Variants in AGFG1 observed in about 807,000 individuals in gnomAD.
AGFG1 encodes arf-GAP domain and FG repeat-containing protein 1.
In AGFG1, 10 loss-of-function variants were observed where a neutral mutation model predicts 60.6. The ratio of observed to expected loss-of-function variants is 0.16; its 90% CI spans 0.10 to 0.28. The LOEUF is 0.28. Among genes scored for constraint, AGFG1 ranks in the 10% least tolerant of loss-of-function variants. The pLI is 1.00. For missense variants in AGFG1, 537 were observed against 676.5 expected, an observed-to-expected ratio of 0.79 and a Z score of 2.29; for synonymous variants, 247 against 242.9, an observed-to-expected ratio of 1.02 and a Z score of -0.16.
rs558025303 is a variant in AGFG1, at chr2:227,557,057, A to G, written c.*2562A>G. On this transcript the variant is annotated 3_prime_UTR_variant, in exon 13 of 13. Transcript: ENST00000310078. ...ATTTAGATTTATTCTAGTTTTATATAGACCATCAAAATTATGTTGAGTACT... is the reference window on the plus strand; with the variant it reads ...ATTTAGATTTATTCTAGTTTTATATGGACCATCAAAATTATGTTGAGTACT... The G allele has an allele frequency of 1.3e-5, 2 of 152,208 alleles. No homozygotes were observed. Among genetic ancestry groups the G allele is most frequent in the Non-Finnish European group, 2.9e-5 (2 of 68,034 alleles). The allele number at this position is 152,208 out of a possible 1,614,324, so 9.4% of individuals were successfully genotyped here. A position where few individuals can be genotyped will look rare whatever the true frequency, so the allele number is the denominator to read the frequency against.
intron 2 of AGFG1, among the ~76,000 whole-genome samples, chr2:227,499,955 T>C (rs778518071): frequency 6.6e-5 from 10 of 152,230 alleles, no homozygotes; most frequent in Non-Finnish European, 1.5e-4. Flanking sequence ...TTTTCATTGC[T>C]CTGGCATCAG....
chr2:227,499,608 C>G (rs1691087703), intron 2 of AGFG1, among the ~76,000 whole-genome samples: 1 of 151,062 alleles, frequency 6.6e-6, no homozygotes, highest in Non-Finnish European at 1.5e-5. Flanking sequence ...CCACTGTACT[C>G]CAGCCTGGGT....
At chr2:227,481,906 C>G (rs1318396273) in intron 1 of AGFG1, among the ~76,000 whole-genome samples, 1 of 142,224 alleles carries the variant, frequency 7.0e-6, no homozygotes, top group African/African-American at 2.6e-5. Flanking sequence ...CTCGCTGTTG[C>G]CCAGGTTGGA....
intron 6 of AGFG1, chr2:227,532,271 G>T: frequency 7.9e-7 from 1 of 1,258,178 alleles, no homozygotes. Context: ...ATACTTCAAG[G>T]GTTTTTCCAG....
At chr2:227,520,531 T>G (rs888154361) in intron 3 of AGFG1, among the ~76,000 whole-genome samples, 1 of 152,240 alleles carries the variant, frequency 6.6e-6, no homozygotes, top group Non-Finnish European at 1.5e-5. Flanking sequence ...ATATTTTTTC[T>G]TTTGACCTAA....
In AGFG1 at chr2:227,559,755, A is replaced by G. The variant is rs1004044902; in HGVS notation, c.*5260A>G. On this transcript the variant is annotated 3_prime_UTR_variant, in exon 13 of 13. Coordinates refer to ENST00000310078, the MANE Select transcript of AGFG1 (RefSeq NM_004504.5). The stretch of plus-strand genomic sequence containing the variant: ...TTCCCTCATTCTTGAGTGGAGAGAC[A>G]GAGGAAGCAAACGCCAAGGAGCCTT... 30 of 152,190 alleles carry G rather than the reference A, an allele frequency of 2.0e-4. No individual in the cohort carries two copies. The highest frequency in any genetic ancestry group is 7.0e-4 in the African/African-American group (29 of 41,468). The allele number at this position is 152,190 out of a possible 1,614,324, so 9.4% of individuals were successfully genotyped here.
At chr2:227,498,142 AT>A in intron 2 of AGFG1, among the ~76,000 whole-genome samples, 1 of 152,268 alleles carries the variant, frequency 6.6e-6, no homozygotes, top group African/African-American at 2.4e-5. Flanking sequence ...ATTTTTTAAA[AT>A]TAAAAAAAAA....
chr2:227,549,036 A>C (rs1288287537), intron 10 of AGFG1, among the ~76,000 whole-genome samples: 2 of 151,496 alleles, frequency 1.3e-5, no homozygotes, highest in Non-Finnish European at 1.5e-5. Flanking sequence ...TTTGGAACAC[A>C]GTGACACTTT....
intron 10 of AGFG1, among the ~76,000 whole-genome samples, chr2:227,550,988 T>C (rs748622336): frequency 5.3e-5 from 8 of 152,218 alleles, no homozygotes; most frequent in Non-Finnish European, 1.0e-4. Flanking sequence ...GGAGGTTTTG[T>C]TTTTAATATT....
At chr2:227,527,012 C>A (rs1692014003) in intron 5 of AGFG1, among the ~76,000 whole-genome samples, 2 of 152,106 alleles carry the variant, frequency 1.3e-5, no homozygotes, top group African/African-American at 4.8e-5. Flanking sequence ...TGCAGAGGTA[C>A]TTAGGTTAGG....
chr2:227,475,727 A>G (rs1690263466), intron 1 of AGFG1, among the ~76,000 whole-genome samples: 1 of 152,184 alleles, frequency 6.6e-6, no homozygotes, highest in Non-Finnish European at 1.5e-5. Context: ...TTGTAGCCTC[A>G]GTTTCTTTAT....
chr2:227,478,836 A>G (rs773775738), intron 1 of AGFG1, among the ~76,000 whole-genome samples: 1 of 152,142 alleles, frequency 6.6e-6, no homozygotes, highest in Non-Finnish European at 1.5e-5. Flanking sequence ...TTTTTCTCTC[A>G]GTCTTTTACA....
intron 2 of AGFG1, among the ~76,000 whole-genome samples, chr2:227,515,909 A>T (rs1691636160): frequency 6.6e-6 from 1 of 152,194 alleles, no homozygotes; most frequent in Non-Finnish European, 1.5e-5. Context: ...CCTTTCAGGG[A>T]CTAAACTGTG....
chr2:227,526,476 G>T (rs1575098554), intron 5 of AGFG1, among the ~76,000 whole-genome samples: 1 of 148,670 alleles, frequency 6.7e-6, no homozygotes, highest in African/African-American at 2.5e-5. Context: ...GACCTTAAGT[G>T]ATCTACCCAC....
intron 6 of AGFG1, among the ~76,000 whole-genome samples, chr2:227,533,141 T>C (rs1049834921): frequency 2.0e-5 from 3 of 152,218 alleles, no homozygotes; most frequent in African/African-American, 4.8e-5. Flanking sequence ...TTAAACTGTT[T>C]CGTCATGGAG....
At chr2:227,536,196 G>A (rs1186011413) in intron 8 of AGFG1, among the ~76,000 whole-genome samples, 1 of 87,122 alleles carries the variant, frequency 1.1e-5, no homozygotes, top group Non-Finnish European at 2.1e-5. Flanking sequence ...AGGCCCCCAA[G>A]TGTGATGTTT....
intron 10 of AGFG1, among the ~76,000 whole-genome samples, chr2:227,544,930 T>C (rs889224213): frequency 6.6e-6 from 1 of 152,146 alleles, no homozygotes; most frequent in Admixed American, 6.5e-5. Flanking sequence ...CTGACAATTA[T>C]GTATCTTGGC....
chr2:227,475,954 T>C (rs926690115), intron 1 of AGFG1, among the ~76,000 whole-genome samples: 5 of 152,240 alleles, frequency 3.3e-5, no homozygotes, highest in African/African-American at 1.2e-4. Context: ...GAATTCTAAA[T>C]TTTAGGATAG....
chr2:227,518,319 A>G (rs1691715112), intron 2 of AGFG1, among the ~76,000 whole-genome samples: 1 of 152,204 alleles, frequency 6.6e-6, no homozygotes, highest in Non-Finnish European at 1.5e-5. Context: ...AATACCTAGA[A>G]GTAGAATGGC....
Sources: allele counts gnomAD v4.1 joint callset (sites outside exome capture counted in the v4.1 genomes callset), GRCh38; gene constraint gnomAD v4.1.1; transcripts MANE v1.5; gene names NCBI Gene and HGNC (gene_info 2026-07-23, HGNC 2026-07-21).